Variants in TRAPPC10 observed in about 807,000 individuals in gnomAD.
TRAPPC10 encodes the protein trafficking protein particle complex subunit 10.
In TRAPPC10, 23 loss-of-function variants were observed where a neutral mutation model predicts 125.5. The observed-to-expected ratio is 0.18, with a 90% CI of 0.13 to 0.26. The LOEUF (loss-of-function observed/expected upper bound fraction) is 0.26. Among genes scored for constraint, TRAPPC10 ranks in the 10% least tolerant of loss-of-function variants. The probability of loss-of-function intolerance (pLI) is 1.00; values close to 1 mark genes in which losing one functional copy is unlikely to be tolerated. For missense variants in TRAPPC10, 1,123 were observed against 1,308.4 expected (o/e 0.86, Z 2.19); for synonymous variants, 509 against 518.0 (o/e 0.98, Z 0.24).
At chr21:44,041,715 A>G (rs1379118506) in intron 3 of TRAPPC10, among the ~76,000 whole-genome samples, 2 of 151,662 alleles carry the variant, frequency 1.3e-5, no homozygotes, top group South Asian at 2.1e-4. Flanking sequence ...TTTTCCCATC[A>G]TTATTTATTT....
intron 9 of TRAPPC10, 53 bp downstream of exon 9, chr21:44,075,206 G>A (rs962452243): frequency 8.8e-6 from 12 of 1,363,826 alleles, no homozygotes; most frequent in African/African-American, 1.4e-5. Flanking sequence ...TAATGAAAAT[G>A]TCCTTTGCAA....
In TRAPPC10 at chr21:44,075,141, C is replaced by T. The variant is rs867100937; in HGVS notation, c.1288C>T (p.Arg430Ter). Reference sequence around the variant, plus strand: ...CCTTTTGGCAGGTTTGGGAGCTGAGCGACCAGAAACAGGTACTTTTTTGTA... The same window carrying T: ...CCTTTTGGCAGGTTTGGGAGCTGAGTGACCAGAAACAGGTACTTTTTTGTA... ...VDLLAGLGAE[R>*]PETANTAQSP... is the part of the protein sequence containing the mutation. The change falls in exon 9 of 23, where the codon CGA (arginine) becomes TGA (stop). Residue 430 changes from arginine to a stop codon, truncating the protein, a stop_gained. Transcript: ENST00000291574. LOFTEE classifies it high-confidence loss of function. The T allele has an allele frequency of 1.2e-6, 2 of 1,613,504 alleles. No individual in the cohort carries two copies. Among genetic ancestry groups the T allele is most frequent in the South Asian group, 1.1e-5 (1 of 91,062 alleles).
At position 44,059,035 on chromosome 21, in the gene TRAPPC10, A is replaced by G. The variant is rs1456509052; in HGVS notation, c.679-68A>G. 3.3e-6 allele frequency: 4 copies of G among 1,200,998 alleles called. No homozygotes were observed. Among genetic ancestry groups the G allele is most frequent in the East Asian group, 4.9e-5 (2 of 40,926 alleles). 74.4% of individuals were successfully genotyped at this position (1,200,998 alleles called of 1,614,324 possible). On this transcript the variant is annotated intron_variant, in intron 5 of 22. Transcript: ENST00000291574. This position sits in a 1 kb window ranked among gnomAD's most constrained non-coding sequence, Gnocchi z 4.4. Reference sequence around the variant, plus strand: ...TGCCTTTCTCTGTCGTTTAATGGCTACATACTGTTTCTTCTATACATTGAT... The same window carrying G: ...TGCCTTTCTCTGTCGTTTAATGGCTGCATACTGTTTCTTCTATACATTGAT...
chr21:44,046,524 G>GTTTT (rs1569163823), intron 3 of TRAPPC10: 1 of 146,466 alleles, frequency 6.8e-6, no homozygotes, highest in Admixed American at 7.3e-5. Flanking sequence ...TTTTTTTTTG[G>GTTTT]GGGGAGGATT....
intron 7 of TRAPPC10, among the ~76,000 whole-genome samples, chr21:44,071,296 T>TA (rs533332729): frequency 1.4e-4 from 22 of 152,378 alleles, no homozygotes; most frequent in African/African-American, 5.3e-4. Context: ...AGGTGGTGGT[T>TA]ACATTTGTAA....
chr21:44,090,345 C>T (rs1188894808), intron 18 of TRAPPC10, among the ~76,000 whole-genome samples: 1 of 152,200 alleles, frequency 6.6e-6, no homozygotes, highest in African/African-American at 2.4e-5. Context: ...TGCCTGCAAC[C>T]TCTAGAACAG....
intron 1 of TRAPPC10, among the ~76,000 whole-genome samples, chr21:44,022,450 AT>A (rs71197876): frequency 1.1e-3 from 104 of 96,964 alleles, no homozygotes; most frequent in South Asian, 1.9e-3. Context: ...TGCCCAGCTA[AT>A]TTTTTTTTTT....
At chr21:44,044,346 AT>A (rs1221153966) in intron 3 of TRAPPC10, among the ~76,000 whole-genome samples, 2 of 146,842 alleles carry the variant, frequency 1.4e-5, no homozygotes, top group Admixed American at 6.8e-5. Context: ...ATTATCGTCT[AT>A]TTAAAAAAAG....
Position 44,086,955 on chromosome 21 carries a change from C to G in TRAPPC10, c.2534C>G (p.Thr845Arg). 1 of 1,613,994 alleles carries G rather than the reference C, an allele frequency of 6.2e-7. No individual in the cohort carries two copies. Among genetic ancestry groups the G allele is most frequent in the Non-Finnish European group, 8.5e-7 (1 of 1,179,916 alleles). ...AGCAGGGCTGTGGTCTACTCCAACA[C>G]GAGAGGTGAGGTGCCGCCCACCCAG... Reference protein sequence around the residue: ...AESRAVVYSNTREQSSEAALR... With the variant: ...AESRAVVYSNRREQSSEAALR... Residue 845 changes from threonine (T) to arginine (R), a missense_variant, in exon 16 of 23, where the codon ACG becomes AGG. Thr to Arg is a moderately conservative substitution (Grantham distance 71). This residue lies in a region of TRAPPC10 where 840 missense variants were observed against 902.0 expected (regional missense o/e 0.93). Coordinates refer to ENST00000291574, the MANE Select transcript of TRAPPC10 (RefSeq NM_003274.5).
chr21:44,012,968 C>G (rs1015646934), intron 1 of TRAPPC10, among the ~76,000 whole-genome samples: 12 of 152,200 alleles, frequency 7.9e-5, no homozygotes, highest in Non-Finnish European at 1.5e-4. Flanking sequence ...GCCCTTTCCC[C>G]GACTACGGGG....
chr21:44,090,082 T>G, intron 18 of TRAPPC10, 149 bp downstream of exon 18: 1 of 595,206 alleles, frequency 1.7e-6, no homozygotes. Context: ...AAATCCACAA[T>G]TCCCTGGTGT....
In TRAPPC10 at chr21:44,088,976, C is replaced by CCCA. The variant is rs1569220695; in HGVS notation, c.2770-856_2770-855insCAC. The CCCA allele has an allele frequency of 7.8e-5, 13 of 167,588 alleles. 1 individual carries two copies. Among genetic ancestry groups the CCCA allele is most frequent in the African/African-American group, 3.7e-4 (13 of 34,752 alleles). 10.4% of individuals were successfully genotyped at this position (167,588 alleles called of 1,614,324 possible). ...GCACCTGTGCTGTGTGCCGTGTTAT[C>CCCA]CTCTTTTCCCTGGCACTGGCGGCAC... On this transcript the variant is annotated intron_variant, in intron 17 of 22. Coordinates refer to ENST00000291574, the MANE Select transcript of TRAPPC10 (RefSeq NM_003274.5).
chr21:44,083,057 C>G lies in TRAPPC10; in HGVS notation c.1993C>G (p.Pro665Ala). Residue 665 changes from proline (P) to alanine (A), a missense_variant, in exon 14 of 23, where the codon CCT becomes GCT. This residue lies in a region of TRAPPC10 where 840 missense variants were observed against 902.0 expected (regional missense o/e 0.93). Coordinates refer to ENST00000291574, the MANE Select transcript of TRAPPC10 (RefSeq NM_003274.5). Reference sequence around the variant, plus strand: ...CTTTCCACCCGAGACCGCACCTTTCCCTGTATCCCAAAACAGTTTGCCCGC... The same window carrying G: ...CTTTCCACCCGAGACCGCACCTTTCGCTGTATCCCAAAACAGTTTGCCCGC... ...INFPPETAPF[P>A]VSQNSLPALE... 1.2e-6 allele frequency: 2 copies of G among 1,614,104 alleles called. No individual in the cohort carries two copies.
chr21:44,076,293 A>G (rs2037273051), intron 9 of TRAPPC10, among the ~76,000 whole-genome samples: 1 of 152,246 alleles, frequency 6.6e-6, no homozygotes, highest in African/African-American at 2.4e-5. Context: ...TCATCGGAGT[A>G]TTTGTAATAT....
chr21:44,081,503 C>T (rs1026264417), intron 13 of TRAPPC10, among the ~76,000 whole-genome samples: 8 of 151,980 alleles, frequency 5.3e-5, no homozygotes, highest in Non-Finnish European at 8.8e-5. Context: ...AAAAAGAAAC[C>T]CCATACTGTA....
chr21:44,083,322 A>C lies in TRAPPC10; in HGVS notation c.2238+20A>C. 1 of 1,602,646 alleles carries C rather than the reference A, an allele frequency of 6.2e-7. No homozygotes were observed. The highest frequency in any genetic ancestry group is 8.5e-7 in the Non-Finnish European group (1 of 1,173,324). On this transcript the variant is annotated intron_variant, in intron 14 of 22. Coordinates refer to ENST00000291574, the MANE Select transcript of TRAPPC10 (RefSeq NM_003274.5). ...ACTCAGGTATGCGTTCAGGGTGGGA[A>C]CTTGACTTTCAAGTTTGTAAAGCAG...
intron 20 of TRAPPC10, among the ~76,000 whole-genome samples, chr21:44,095,018 A>G (rs962244169): frequency 6.7e-6 from 1 of 148,906 alleles, no homozygotes; most frequent in Non-Finnish European, 1.5e-5. Flanking sequence ...AAATCAAATA[A>G]TAGTATATAT....
At chr21:44,029,383 T>C (rs969032250) in intron 1 of TRAPPC10, among the ~76,000 whole-genome samples, 1 of 152,188 alleles carries the variant, frequency 6.6e-6, no homozygotes. Context: ...CGTGAGCCAC[T>C]GCGCCCAGCT....
At chr21:44,084,342 C>T (rs2037976395) in intron 15 of TRAPPC10, 79 bp downstream of exon 15, 1 of 1,436,806 alleles carries the variant, frequency 7.0e-7, no homozygotes. Context: ...CCAGGCTTCT[C>T]ATAAGTTTTA....
Sources: allele counts gnomAD v4.1 joint callset (sites outside exome capture counted in the v4.1 genomes callset), GRCh38; gene constraint gnomAD v4.1.1; regional missense constraint gnomAD v4.1.1; non-coding constraint Gnocchi (gnomAD v3.1); transcripts MANE v1.5; gene names NCBI Gene and HGNC (gene_info 2026-07-23, HGNC 2026-07-21).